Variants in FHL5 observed in about 807,000 individuals in gnomAD.
FHL5 encodes four and a half LIM domains 5, also known as four and a half LIM domains protein 5.
A neutral mutation model predicts 32.0 loss-of-function variants in FHL5; 33 were observed. The observed-to-expected ratio is 1.03, with a 90% CI of 0.78 to 1.38. FHL5 has a LOEUF of 1.38. FHL5 is among the 40% of genes most tolerant of loss of function. FHL5 has a pLI of 0.00. For synonymous variants in FHL5, 114 were observed against 113.6 expected (o/e 1.00, Z -0.02); for missense variants, 336 against 343.9 (o/e 0.98, Z 0.18).
chr6:96,589,218 C>T (rs959265618), intron 1 of FHL5, among the ~76,000 whole-genome samples: 1 of 152,080 alleles, frequency 6.6e-6, no homozygotes, highest in Non-Finnish European at 1.5e-5. Context: ...TGTTTCAATA[C>T]TACACTGCCT....
At position 96,598,693 on chromosome 6, in the gene FHL5, A is replaced by G. The variant is rs571180745; in HGVS notation, c.-12-4909A>G. 7.9e-5 allele frequency among the ~76,000 whole-genome samples: 12 copies of G among 152,332 alleles called. No homozygotes were observed. In the East Asian group the frequency reaches 2.3e-3, roughly 29 times the overall value. On this transcript the variant is annotated intron_variant, in intron 1 of 5. Coordinates refer to ENST00000450218, the MANE Select transcript of FHL5 (RefSeq NM_001322466.2). ...TTTTTTAAATTCTAATGTGTACCCA[A>G]TGTTTAGAACTACTGCTCTAAAACT...
intron 1 of FHL5, among the ~76,000 whole-genome samples, chr6:96,566,828 T>C (rs1044962614): frequency 1.3e-5 from 2 of 151,818 alleles, no homozygotes; most frequent in African/African-American, 4.8e-5. Context: ...AGCTTATTTG[T>C]CTGCTTTCTA....
At chr6:96,575,752 A>T (rs991841022) in intron 1 of FHL5, among the ~76,000 whole-genome samples, 1 of 152,210 alleles carries the variant, frequency 6.6e-6, no homozygotes, top group Non-Finnish European at 1.5e-5. Context: ...AACTCAAAAA[A>T]AAATTCTTGA....
Position 96,606,051 on chromosome 6 carries a change from T to C in FHL5, c.484T>C (p.Tyr162His). Residue 162 changes from tyrosine (Y) to histidine (H), a missense_variant, in exon 4 of 6, where the codon TAC (tyrosine) becomes CAC (histidine). Physicochemically the swap from Tyr to His is moderately conservative, Grantham distance 83. Transcript: ENST00000450218. ...VPCFEKEFAH[Y>H]CNFCKKVITS... ...ATGTTTTGAGAAGGAGTTTGCTCAC[T>C]ACTGCAACTTTTGTAAGAAGGTAAT... 1.9e-6 allele frequency: 3 copies of C among 1,613,646 alleles called. No homozygotes were observed. In the South Asian group the frequency reaches 3.3e-5, roughly 18 times the overall value.
At chr6:96,565,186 C>T (rs1770329946) in intron 1 of FHL5, among the ~76,000 whole-genome samples, 1 of 152,086 alleles carries the variant, frequency 6.6e-6, no homozygotes, top group Non-Finnish European at 1.5e-5. Flanking sequence ...TTATCCTCAC[C>T]ATATGTCTAA....
At chr6:96,580,025 G>T (rs1245460009) in intron 1 of FHL5, among the ~76,000 whole-genome samples, 1 of 152,202 alleles carries the variant, frequency 6.6e-6, no homozygotes, top group East Asian at 1.9e-4. Context: ...TAGGATACTT[G>T]TATCCTTCAA....
chr6:96,604,685 T>G (rs895772253), intron 2 of FHL5, 65 bp from the exon 3 acceptor site: 2 of 1,345,344 alleles, frequency 1.5e-6, no homozygotes, highest in Non-Finnish European at 2.1e-6. Flanking sequence ...TGTTCAGTTT[T>G]GTTTCATAAA....
chr6:96,587,187 A>G (rs1770816651), intron 1 of FHL5, among the ~76,000 whole-genome samples: 1 of 152,100 alleles, frequency 6.6e-6, no homozygotes, highest in Non-Finnish European at 1.5e-5. Flanking sequence ...TGAAAAACGC[A>G]CAAGAAATCT....
At position 96,583,496 on chromosome 6, in the gene FHL5, G is replaced by A. The variant is rs557297825; in HGVS notation, c.-12-20106G>A. ...GACAATGACTTCGCAGTCCTGTCAC[G>A]ATACGGTAGCCTCCAAAGTTTTATG... On this transcript the variant is annotated intron_variant, in intron 1 of 5. Coordinates refer to ENST00000450218, the MANE Select transcript of FHL5 (RefSeq NM_001322466.2). Among the ~76,000 whole-genome samples the A allele has an allele frequency of 4.6e-5, 7 of 152,162 alleles. No individual in the cohort carries two copies. The South Asian group carries it at 1.0e-3, about 23-fold the overall frequency.
intron 1 of FHL5, among the ~76,000 whole-genome samples, chr6:96,591,041 T>C (rs1770904915): frequency 6.6e-6 from 1 of 152,118 alleles, no homozygotes; most frequent in Admixed American, 6.6e-5. Context: ...CCTATAGTTT[T>C]CCTTTCTCAT....
At chr6:96,582,863 C>A (rs1195570127) in intron 1 of FHL5, among the ~76,000 whole-genome samples, 1 of 152,108 alleles carries the variant, frequency 6.6e-6, no homozygotes, top group Admixed American at 6.6e-5. Flanking sequence ...GAGCCTCCTT[C>A]TTCAAAATGC....
intron 3 of FHL5, among the ~76,000 whole-genome samples, chr6:96,605,283 C>A (rs1394285274): frequency 6.6e-6 from 1 of 152,134 alleles, no homozygotes; most frequent in East Asian, 1.9e-4. Context: ...GCGATTGGGG[C>A]CAACTGCCAT....
intron 4 of FHL5, among the ~76,000 whole-genome samples, chr6:96,606,620 G>A (rs990234845): frequency 6.6e-6 from 1 of 152,108 alleles, no homozygotes; most frequent in African/African-American, 2.4e-5. Context: ...CCAAAGTACT[G>A]GGATTACAGG....
Position 96,617,150 on chromosome 6 carries a change from C to T in FHL5, c.*1378C>T, listed in dbSNP as rs1771539170. On this transcript the variant is annotated 3_prime_UTR_variant, in exon 6 of 6. Coordinates refer to ENST00000450218, the MANE Select transcript of FHL5 (RefSeq NM_001322466.2). ...TCTTGCTACCCCTGGATATTTTCCA[C>T]ATTACTTGGGACAAATGGAAAGCAA... Among the ~76,000 whole-genome samples, 2 of 152,176 alleles carry T rather than the reference C, an allele frequency of 1.3e-5. No homozygotes were observed. Among genetic ancestry groups the T allele is most frequent in the African/African-American group, 4.8e-5 (2 of 41,444 alleles).
chr6:96,612,800 C>T (rs1216486416), intron 5 of FHL5, among the ~76,000 whole-genome samples: 1 of 152,074 alleles, frequency 6.6e-6, no homozygotes, highest in Admixed American at 6.6e-5. Flanking sequence ...CAAAAACTTA[C>T]AACTCACTTT....
In FHL5 at chr6:96,615,676, G is replaced by A. The variant is rs373769270; in HGVS notation, c.759G>A (p.Gly253=). 42 of 1,613,136 alleles carry A rather than the reference G, an allele frequency of 2.6e-5. No individual in the cohort carries two copies. Among genetic ancestry groups the A allele is most frequent in the Middle Eastern group, 1.6e-4 (1 of 6,078 alleles). The change falls in exon 6 of 6, where the codon GGG becomes GGA. Residue 253 remains glycine (G), a synonymous_variant. Transcript: ENST00000450218. ...SQWHSECFNC[G]KCSVSLVGKG... ...GGCATAGCGAATGCTTTAACTGCGG[G>A]AAATGCTCTGTCTCCTTGGTGGGTA... is the stretch of plus-strand genomic sequence containing the variant.
intron 5 of FHL5, among the ~76,000 whole-genome samples, 160 bp from the exon 6 acceptor site, chr6:96,615,449 G>A (rs1458272785): frequency 6.6e-6 from 1 of 152,200 alleles, no homozygotes; most frequent in East Asian, 1.9e-4. Context: ...GATAGTTCCA[G>A]ATGGACACAG....
In FHL5 at chr6:96,603,650, G is replaced by A. The variant is rs1174926844; in HGVS notation, c.37G>A (p.Ala13Thr). The A allele has an allele frequency of 2.5e-6, 4 of 1,613,034 alleles. No homozygotes were observed. The highest frequency in any genetic ancestry group is 2.5e-6 in the Non-Finnish European group (3 of 1,179,594). ...TAHFYCQYCT[A>T]SLLGKKYVLK... ...TCACTTTTACTGTCAATACTGCACA[G>A]CATCACTTCTTGGGAAGAAATATGT... The change falls in exon 2 of 6, where the codon GCA becomes ACA. Residue 13 changes from alanine to threonine, a missense_variant. Ala to Thr is a moderately conservative substitution (Grantham distance 58, BLOSUM62 0). Transcript: ENST00000450218.
At chr6:96,583,203 C>T (rs1221726814) in intron 1 of FHL5, among the ~76,000 whole-genome samples, 24 of 151,960 alleles carry the variant, frequency 1.6e-4, no homozygotes. Context: ...TCAACTTGAC[C>T]CTCAGAACCA....
Sources: allele counts gnomAD v4.1 joint callset (sites outside exome capture counted in the v4.1 genomes callset), GRCh38; gene constraint gnomAD v4.1.1; transcripts MANE v1.5; gene names NCBI Gene and HGNC (gene_info 2026-07-23, HGNC 2026-07-21).